Variants in PTPN4 observed in about 807,000 individuals in gnomAD.
PTPN4 encodes protein tyrosine phosphatase non-receptor type 4.
PTPN4 carries 49 observed loss-of-function variants against 135.5 expected under a neutral mutation model. That is an observed-to-expected ratio of 0.36 (90% confidence interval 0.29 to 0.46). PTPN4 has a LOEUF of 0.46. Among genes scored for constraint, PTPN4 ranks in the 20% least tolerant of loss-of-function variants. The pLI is 1.00. For missense variants in PTPN4, 860 were observed against 1,101.0 expected, an observed-to-expected ratio of 0.78 and a Z score of 3.10; for synonymous variants, 333 against 369.9, an observed-to-expected ratio of 0.90 and a Z score of 1.14.
intron 2 of PTPN4, among the ~76,000 whole-genome samples, chr2:119,858,113 G>A (rs536513059): frequency 6.6e-6 from 1 of 152,276 alleles, no homozygotes; most frequent in Admixed American, 6.5e-5. Context: ...GCTTCCCGAG[G>A]CCCTCAACAG....
At chr2:119,972,373 C>T (rs1460831922) in intron 26 of PTPN4, among the ~76,000 whole-genome samples, 1 of 152,090 alleles carries the variant, frequency 6.6e-6, no homozygotes, top group African/African-American at 2.4e-5. Flanking sequence ...ATTTATTCCT[C>T]AGTATTTTAG....
intron 2 of PTPN4, among the ~76,000 whole-genome samples, chr2:119,858,431 T>C (rs13402274): frequency 1.0e-3 from 155 of 152,332 alleles, no homozygotes; most frequent in African/African-American, 3.7e-3. Context: ...TGGGGTTCAC[T>C]TGGATTCTTG....
chr2:119,886,978 C>CT (rs966084406), intron 9 of PTPN4, among the ~76,000 whole-genome samples: 38 of 145,484 alleles, frequency 2.6e-4, no homozygotes, highest in East Asian at 8.0e-4. Flanking sequence ...CTTCAGCTTT[C>CT]TTTTTTTTTT....
chr2:119,943,110 T>TAA (rs1427016463), intron 15 of PTPN4, among the ~76,000 whole-genome samples: 15 of 152,244 alleles, frequency 9.9e-5, no homozygotes, highest in Non-Finnish European at 8.8e-5. Context: ...TTATATTTTA[T>TAA]ACCATGTTAT....
intron 9 of PTPN4, among the ~76,000 whole-genome samples, chr2:119,897,565 G>A (rs996168544): frequency 3.3e-5 from 5 of 152,092 alleles, no homozygotes; most frequent in African/African-American, 1.2e-4. Flanking sequence ...ATGCTATCCT[G>A]TAATTAAAGA....
At chr2:119,898,274 C>T (rs533927579) in intron 9 of PTPN4, among the ~76,000 whole-genome samples, 1 of 152,094 alleles carries the variant, frequency 6.6e-6, no homozygotes, top group Non-Finnish European at 1.5e-5. Context: ...GTAAGCTAGA[C>T]TTTGGTTTGG....
At chr2:119,820,508 A>G (rs569169953) in intron 2 of PTPN4, among the ~76,000 whole-genome samples, 6 of 152,320 alleles carry the variant, frequency 3.9e-5, no homozygotes, top group African/African-American at 1.4e-4. Context: ...GGATTCAAGA[A>G]TCCCCCAAGG....
intron 2 of PTPN4, 88 bp from the exon 3 acceptor site, chr2:119,862,448 G>A: frequency 4.1e-6 from 5 of 1,232,416 alleles, no homozygotes; most frequent in Non-Finnish European, 5.7e-6. Context: ...TGGGTTAATA[G>A]ATGAGGACAA....
chr2:119,882,026 T>C, intron 6 of PTPN4, 71 bp from the exon 7 acceptor site: 2 of 1,389,740 alleles, frequency 1.4e-6, no homozygotes, highest in Non-Finnish European at 2.0e-6. Context: ...TGTGATTGTT[T>C]AACAAATTAT....
intron 3 of PTPN4, 98 bp downstream of exon 3, chr2:119,862,741 GTT>G (rs547396647): frequency 3.7e-6 from 3 of 811,344 alleles, no homozygotes; most frequent in South Asian, 2.2e-5. Context: ...GATTTGATGA[GTT>G]TTTTTTTTAC....
intron 2 of PTPN4, among the ~76,000 whole-genome samples, chr2:119,847,188 A>T (rs993846020): frequency 1.4e-5 from 2 of 146,910 alleles, no homozygotes; most frequent in Non-Finnish European, 1.5e-5. Flanking sequence ...ATATAAAAAA[A>T]TATATAGAGT....
chr2:119,971,164 C>T (rs1158681579), intron 26 of PTPN4, among the ~76,000 whole-genome samples: 1 of 152,158 alleles, frequency 6.6e-6, no homozygotes, highest in Non-Finnish European at 1.5e-5. Context: ...TGGGAGGCCT[C>T]AGGAAACTTA....
intron 1 of PTPN4, among the ~76,000 whole-genome samples, chr2:119,795,925 G>A (rs1691248838): frequency 6.6e-6 from 1 of 152,218 alleles, no homozygotes. Flanking sequence ...AGGTGCAGGT[G>A]GCACTGCAGC....
intron 22 of PTPN4, among the ~76,000 whole-genome samples, chr2:119,959,961 A>C (rs1679341685): frequency 6.6e-6 from 1 of 152,194 alleles, no homozygotes; most frequent in African/African-American, 2.4e-5. Context: ...CATCATCTTG[A>C]AGATGAAGTA....
At chr2:119,865,401 G>A (rs555507087) in intron 3 of PTPN4, among the ~76,000 whole-genome samples, 1 of 152,188 alleles carries the variant, frequency 6.6e-6, no homozygotes, top group African/African-American at 2.4e-5. Context: ...TATGATGAAA[G>A]TGTCATTAAA....
At chr2:119,900,902 G>A in intron 10 of PTPN4, 96 bp downstream of exon 10, 1 of 675,980 alleles carries the variant, frequency 1.5e-6, no homozygotes, top group Non-Finnish European at 2.3e-6. Context: ...TTTTAATGTT[G>A]TCATTTTACT....
chr2:119,926,796 A>G (rs984352323), intron 13 of PTPN4, 130 bp downstream of exon 13: 2 of 652,720 alleles, frequency 3.1e-6, no homozygotes, highest in Non-Finnish European at 5.2e-6. Flanking sequence ...AATTATCACA[A>G]TTCTTTAACA....
Position 119,978,445 on chromosome 2 carries a change from A to C in PTPN4, c.*1375A>C, listed in dbSNP as rs1326406440. 6.6e-6 allele frequency: 1 copy of C among 152,134 alleles called. No individual in the cohort carries two copies. Among genetic ancestry groups the C allele is most frequent in the Non-Finnish European group, 1.5e-5 (1 of 67,992 alleles). The allele number at this position is 152,134 out of a possible 1,614,324, so 9.4% of individuals were successfully genotyped here. A position where few individuals can be genotyped will look rare whatever the true frequency, so the allele number is the denominator to read the frequency against. On this transcript the variant is annotated 3_prime_UTR_variant, in exon 27 of 27. Transcript: ENST00000263708. Reference sequence around the variant, plus strand: ...AGAATTTTCTTGTTTTTTTGTGTACAATTAAATTATTCCATTTTATATATA... The same window carrying C: ...AGAATTTTCTTGTTTTTTTGTGTACCATTAAATTATTCCATTTTATATATA...
chr2:119,845,113 G>A lies in PTPN4; in HGVS notation c.139-17423G>A, dbSNP rs916987159. Among the ~76,000 whole-genome samples the A allele has an allele frequency of 4.0e-5, 6 of 148,926 alleles. No individual in the cohort carries two copies. The South Asian group carries it at 1.1e-3, about 27-fold the overall frequency. On this transcript the variant is annotated intron_variant, in intron 2 of 26. Coordinates refer to ENST00000263708, the MANE Select transcript of PTPN4 (RefSeq NM_002830.4). ...CAAAACCAGTCAGGCGTGGCGGCGC[G>A]AGCCTGCAATCACAGGCACTGGGCA... is the stretch of plus-strand genomic sequence containing the variant.
Sources: gnomAD v4.1 joint callset for allele counts (sites outside exome capture counted in the v4.1 genomes callset) on GRCh38, gnomAD v4.1.1 for gene constraint, MANE v1.5 for transcripts, NCBI Gene and HGNC (gene_info 2026-07-23, HGNC 2026-07-21) for gene names.